The following JADE3 variants were observed in gnomAD, a reference collection of about 807,000 sequenced individuals.
JADE3 encodes jade family PHD finger 3.
JADE3 carries 2 observed loss-of-function variants against 50.1 expected under a neutral mutation model. That is an observed-to-expected ratio of 0.04 (90% CI 0.02 to 0.13). JADE3 has a LOEUF of 0.13. Among genes scored for constraint, JADE3 ranks in the 10% least tolerant of loss-of-function variants. The pLI is 1.00. For synonymous variants in JADE3, 218 were observed against 232.9 expected (o/e 0.94, Z 0.58); for missense variants, 475 against 634.4 (o/e 0.75, Z 2.70).
At chrX:47,033,865 G>C in intron 7 of JADE3, 77 bp downstream of exon 7, 1 of 863,884 alleles carries the variant, frequency 1.2e-6, no homozygotes, top group Non-Finnish European at 1.6e-6. Context: ...ACTGACTCAG[G>C]CTCAGTATGG....
chrX:47,029,761 A>AAGTGAGAGCAGACTT (rs1928978511), intron 6 of JADE3, among the ~76,000 whole-genome samples: 4 of 112,081 alleles, frequency 3.6e-5, no homozygotes, highest in African/African-American at 1.3e-4. Flanking sequence ...ATTGGCATTT[A>AAGTGAGAGCAGACTT]TATCAGACTT....
At chrX:46,963,192 CA>C (rs1927300188) in intron 1 of JADE3, among the ~76,000 whole-genome samples, 1 of 111,786 alleles carries the variant, frequency 8.9e-6, no homozygotes, top group African/African-American at 3.3e-5. Context: ...TATCTCTGGA[CA>C]GGGGAGGTAC....
At chrX:46,955,244 C>T (rs1927088401) in intron 1 of JADE3, among the ~76,000 whole-genome samples, 1 of 112,395 alleles carries the variant, frequency 8.9e-6, no homozygotes, top group African/African-American at 3.2e-5. Context: ...AAAACACATT[C>T]ATTATTCTTA....
intron 1 of JADE3, among the ~76,000 whole-genome samples, chrX:46,978,148 A>G (rs949490100): frequency 3.6e-5 from 4 of 111,980 alleles, no homozygotes; most frequent in Non-Finnish European, 7.5e-5. Context: ...CCTAGGCCAC[A>G]TTGGAAGAAT....
In JADE3 at chrX:47,058,633, T is replaced by C; in HGVS notation, c.2028T>C (p.Asn676=). The C allele has an allele frequency of 8.3e-7, 1 of 1,211,515 alleles. No homozygotes were observed. Among genetic ancestry groups the C allele is most frequent in the Non-Finnish European group, 1.1e-6 (1 of 895,435 alleles). Reference sequence around the variant, plus strand: ...GCCTGGAGGGCAGCTGGTCTGGGAATGTCACCCAAAAAGACAGCTCGAGTG... The same window carrying C: ...GCCTGGAGGGCAGCTGGTCTGGGAACGTCACCCAAAAAGACAGCTCGAGTG... ...SNGLEGSWSG[N]VTQKDSSSEM... is the part of the protein sequence containing the mutation. The change falls in exon 11 of 11, where the codon AAT becomes AAC. Residue 676 remains asparagine, a synonymous_variant. Transcript: ENST00000614628.
chrX:46,960,213 C>A (rs1556347381), intron 1 of JADE3, among the ~76,000 whole-genome samples: 3 of 99,054 alleles, frequency 3.0e-5, no homozygotes, highest in African/African-American at 1.1e-4. Flanking sequence ...GGTGCCCAGC[C>A]AAGCTAATGA....
intron 9 of JADE3, 97 bp from the exon 10 acceptor site, chrX:47,055,985 C>T: frequency 2.0e-6 from 1 of 495,214 alleles, no homozygotes; most frequent in South Asian, 3.7e-5. Context: ...TCCTCACCCC[C>T]ACCTGACTTT....
intron 1 of JADE3, among the ~76,000 whole-genome samples, chrX:46,945,561 A>G (rs1418909690): frequency 1.8e-5 from 2 of 111,179 alleles, no homozygotes; most frequent in African/African-American, 6.6e-5. Flanking sequence ...GCAGTACTCA[A>G]CTAAGGGTAC....
At chrX:46,952,990 CAA>C (rs782082333) in intron 1 of JADE3, among the ~76,000 whole-genome samples, 1 of 88,387 alleles carries the variant, frequency 1.1e-5, no homozygotes. Flanking sequence ...GAGACTGTCT[CAA>C]AAAAAAAAAA....
chrX:46,961,843 A>C (rs1242464458), intron 1 of JADE3, among the ~76,000 whole-genome samples: 5 of 112,232 alleles, frequency 4.5e-5, no homozygotes, highest in Non-Finnish European at 9.4e-5. Context: ...AGTGTTTCTC[A>C]TGAAATAACA....
At chrX:47,051,007 T>C (rs782129795) in intron 8 of JADE3, among the ~76,000 whole-genome samples, 119 of 111,846 alleles carry the variant, frequency 1.1e-3, no homozygotes, top group African/African-American at 2.3e-3. Context: ...CAGTGTAATA[T>C]AACAAACTTT....
rs781825793 is a variant in JADE3 at position 47,054,414 on chromosome X, T to C, written c.1229T>C (p.Leu410Ser). 9.1e-6 allele frequency: 11 copies of C among 1,210,880 alleles called. No homozygotes were observed. In the South Asian group the frequency reaches 1.8e-4, roughly 19 times the overall value. ...GAGCTGGAGGAGGAGTTCTATTCCT[T>C]GGTACGAGTGGAAGATGTGGCCGCA... ...LRELEEEFYS[L>S]VRVEDVAAEL... Residue 410 changes from leucine to serine, a missense_variant, in exon 9 of 11, where the codon TTG (leucine) becomes TCG (serine). Coordinates refer to ENST00000614628, the MANE Select transcript of JADE3 (RefSeq NM_014735.5).
intron 1 of JADE3, among the ~76,000 whole-genome samples, chrX:46,938,196 ATTGT>A (rs1244576934): frequency 9.0e-6 from 1 of 111,529 alleles, no homozygotes; most frequent in Admixed American, 9.5e-5. Flanking sequence ...TATTGATATG[ATTGT>A]TTTACATCTG....
intron 3 of JADE3, among the ~76,000 whole-genome samples, chrX:46,987,613 A>C (rs782767637): frequency 4.5e-5 from 5 of 112,303 alleles, no homozygotes; most frequent in Non-Finnish European, 9.4e-5. Flanking sequence ...ATATATGTCC[A>C]TGTCATACAG....
At chrX:47,039,144 G>C in intron 8 of JADE3, 79 bp downstream of exon 8, 1 of 508,211 alleles carries the variant, frequency 2.0e-6, no homozygotes, top group East Asian at 3.5e-5. Flanking sequence ...GTGTCCTGTC[G>C]ACTGAAAGGT....
intron 4 of JADE3, among the ~76,000 whole-genome samples, chrX:47,016,745 C>T (rs2147145881): frequency 9.3e-6 from 1 of 107,289 alleles, no homozygotes; most frequent in African/African-American, 3.4e-5. Context: ...GATTCAAACT[C>T]CTGGGCTCAA....
At chrX:46,980,122 C>T (rs1213487700) in intron 1 of JADE3, among the ~76,000 whole-genome samples, 4 of 109,696 alleles carry the variant, frequency 3.6e-5, no homozygotes, top group Admixed American at 9.8e-5. Flanking sequence ...TCAAATGATC[C>T]GTCCGCCTTA....
At chrX:47,021,988 A>G (rs1351314964) in intron 4 of JADE3, among the ~76,000 whole-genome samples, 1 of 112,015 alleles carries the variant, frequency 8.9e-6, no homozygotes, top group Non-Finnish European at 1.9e-5. Flanking sequence ...GTCTTATTTA[A>G]AATATCTTTG....
intron 6 of JADE3, among the ~76,000 whole-genome samples, chrX:47,030,323 C>T (rs1928989689): frequency 9.0e-6 from 1 of 111,088 alleles, no homozygotes; most frequent in Non-Finnish European, 1.9e-5. Flanking sequence ...AAAACGATTC[C>T]GGTAATGAAT....
Sources: gnomAD v4.1 joint callset for allele counts (sites outside exome capture counted in the v4.1 genomes callset) on GRCh38, gnomAD v4.1.1 for gene constraint, MANE v1.5 for transcripts, NCBI Gene and HGNC (gene_info 2026-07-23, HGNC 2026-07-21) for gene names.